ZNF875: variants seen among roughly 807,000 people sequenced by gnomAD.
The protein encoded by ZNF875 is zinc finger protein 875, also known as HKR1, GLI-Kruppel zinc finger family member.
A neutral mutation model predicts 11.2 loss-of-function variants in ZNF875; 14 were observed. The ratio of observed to expected loss-of-function variants is 1.26; its 90% confidence interval spans 0.83 to 1.96. The LOEUF is 1.96. Ranked by LOEUF, ZNF875 falls within the 30% of genes most tolerant of loss-of-function variation. The probability of loss-of-function intolerance (pLI) is 0.00; values close to 1 mark genes in which losing one functional copy is unlikely to be tolerated. For synonymous variants in ZNF875, 301 were observed against 281.1 expected (o/e 1.07, Z -0.71); for missense variants, 752 against 760.4 (o/e 0.99, Z 0.13).
In ZNF875 at chr19:37,320,472, A is replaced by AT; in HGVS notation, c.-746-1713_-746-1712insT. Among the ~76,000 whole-genome samples the AT allele has an allele frequency of 1.3e-5, 2 of 152,270 alleles. 1 individual carries two copies. Among genetic ancestry groups the AT allele is most frequent in the South Asian group, 4.1e-4 (2 of 4,838 alleles). The stretch of plus-strand genomic sequence containing the variant: ...TTGCTATTGTTACTTAATGTGTTAA[A>AT]GTGGCTGTTACAGACACTATTACTA... On this transcript the variant is annotated intron_variant, in intron 1 of 5. Coordinates refer to the ZNF875 transcript ENST00000544914.
chr19:37,338,110 A>G (rs567687222), intron 2 of ZNF875, among the ~76,000 whole-genome samples: 1 of 152,140 alleles, frequency 6.6e-6, no homozygotes, highest in Non-Finnish European at 1.5e-5. Flanking sequence ...GTAACATTGA[A>G]TATTTTTTGT....
chr19:37,338,038 A>T (rs1234035368), intron 2 of ZNF875, among the ~76,000 whole-genome samples: 1 of 152,188 alleles, frequency 6.6e-6, no homozygotes, highest in Non-Finnish European at 1.5e-5. Flanking sequence ...AAAATAGTTA[A>T]TTCATTTGAG....
intron 1 of ZNF875, among the ~76,000 whole-genome samples, chr19:37,321,344 C>A (rs1013055763): frequency 2.0e-5 from 3 of 152,132 alleles, no homozygotes; most frequent in Admixed American, 2.0e-4. Flanking sequence ...TTTAATGCAC[C>A]AAGATTTTTA....
chr19:37,353,306 G>A (rs1163697545), intron 4 of ZNF875, among the ~76,000 whole-genome samples: 1 of 152,090 alleles, frequency 6.6e-6, no homozygotes, highest in Non-Finnish European at 1.5e-5. Flanking sequence ...TTTGTTTAAG[G>A]TAATGTAAGA....
chr19:37,347,405 C>T (rs1161590928), intron 3 of ZNF875, 89 bp downstream of exon 3: 1 of 1,263,538 alleles, frequency 7.9e-7, no homozygotes, highest in Non-Finnish European at 1.1e-6. Context: ...GAGCACCTTT[C>T]CCTTAGAGTT....
chr19:37,332,297 T>A (rs888350336), upstream of ZNF875, among the ~76,000 whole-genome samples: 4 of 151,212 alleles, frequency 2.6e-5, no homozygotes, highest in Non-Finnish European at 5.9e-5. Context: ...TGTCTCTGTG[T>A]CTTTTTCTTT....
At chr19:37,352,207 A>G (rs1005014271) in intron 4 of ZNF875, among the ~76,000 whole-genome samples, 3 of 148,588 alleles carry the variant, frequency 2.0e-5, no homozygotes, top group African/African-American at 4.9e-5. Context: ...TGATATTAAT[A>G]TAGCTACTCC....
chr19:37,323,256 C>T (rs948072592), intron 2 of ZNF875, among the ~76,000 whole-genome samples: 4 of 151,928 alleles, frequency 2.6e-5, no homozygotes, highest in African/African-American at 9.7e-5. Context: ...TGGGTTCAAG[C>T]AATTCTCTTG....
rs766637109 is a variant in ZNF875, at chr19:37,362,825, C to A, written c.973C>A (p.Leu325Ile). 7 of 1,613,860 alleles carry A rather than the reference C, an allele frequency of 4.3e-6. No homozygotes were observed. Among genetic ancestry groups the A allele is most frequent in the Non-Finnish European group, 5.9e-6 (7 of 1,179,986 alleles). ...CGRGFTWKSN[L>I]FTHQRTHSGL... Reference sequence around the variant, plus strand: ...ACGAGGCTTTACTTGGAAGTCGAACCTCTTTACACATCAGCGGACACACTC... The same window carrying A: ...ACGAGGCTTTACTTGGAAGTCGAACATCTTTACACATCAGCGGACACACTC... The change falls in exon 5 of 5, where the codon CTC becomes ATC. Residue 325 changes from leucine (L) to isoleucine (I), a missense_variant. By Grantham distance (5) the Leu-to-Ile change is conservative (BLOSUM62 2). Coordinates refer to ENST00000392153, the MANE Select transcript of ZNF875 (RefSeq NM_001353803.2).
At chr19:37,338,218 G>T (rs2034920913) in intron 2 of ZNF875, among the ~76,000 whole-genome samples, 1 of 152,154 alleles carries the variant, frequency 6.6e-6, no homozygotes, top group Non-Finnish European at 1.5e-5. Context: ...CGCCTCCTGG[G>T]TTCAAGCGAT....
At chr19:37,337,007 A>C (rs1053849301) in intron 2 of ZNF875, among the ~76,000 whole-genome samples, 1 of 152,214 alleles carries the variant, frequency 6.6e-6, no homozygotes, top group African/African-American at 2.4e-5. Context: ...TGAATTTTAC[A>C]TTTGAGAGCA....
upstream of ZNF875, among the ~76,000 whole-genome samples, chr19:37,313,744 TTGTGTGTGTG>T (rs61062343): frequency 1.3e-5 from 2 of 150,204 alleles, no homozygotes; most frequent in South Asian, 2.1e-4. Context: ...TACACATCCA[TTGTGTGTGTG>T]TGTGTGTGTG....
At chr19:37,326,664 CTTTTTTTT>C (rs35805509) in intron 4 of ZNF875, among the ~76,000 whole-genome samples, 210 of 88,096 alleles carry the variant, frequency 2.4e-3, no homozygotes, top group African/African-American at 9.0e-3. Flanking sequence ...AATTAGAAAG[CTTTTTTTT>C]TTTTTTTTTT....
chr19:37,318,160 C>T (rs2030410883), exon 1 of ZNF875: 1 of 153,840 alleles, frequency 6.5e-6, no homozygotes, highest in African/African-American at 2.4e-5. Context: ...TTCCTGACCT[C>T]TGACACGTAT....
upstream of ZNF875, chr19:37,334,551 T>A (rs2033879597): frequency 2.7e-6 from 1 of 371,350 alleles, no homozygotes; most frequent in Admixed American, 3.3e-5. Flanking sequence ...AGCCGACTTC[T>A]CCGCCTCTGT....
upstream of ZNF875, among the ~76,000 whole-genome samples, chr19:37,329,737 T>TC (rs149893896): frequency 6.3e-3 from 961 of 152,282 alleles, 26 homozygotes; most frequent in East Asian, 0.053. Flanking sequence ...AGTGGTTTTT[T>TC]CCCCCTCACA....
chr19:37,363,268 C>A lies in ZNF875; in HGVS notation c.1416C>A (p.His472Gln), dbSNP rs1411470285. The A allele has an allele frequency of 2.5e-6, 4 of 1,613,716 alleles. No homozygotes were observed. Among genetic ancestry groups the A allele is most frequent in the Non-Finnish European group, 3.4e-6 (4 of 1,179,742 alleles). ...KSNLNKHQRS[H>Q]TGEKPFVCTE... ...ACCTTAACAAACACCAGAGGTCACA[C>A]ACGGGGGAGAAGCCATTTGTATGTA... The change falls in exon 5 of 5, where the codon CAC becomes CAA. Residue 472 changes from histidine to glutamine, a missense_variant. By Grantham distance (24) the His-to-Gln change is conservative. Transcript: ENST00000392153.
At position 37,362,148 on chromosome 19, in the gene ZNF875, T is replaced by C. The variant is rs370976349; in HGVS notation, c.296T>C (p.Leu99Pro). Residue 99 changes from leucine to proline, a missense_variant, in exon 5 of 5, where the codon CTG (leucine) becomes CCG (proline). Leu to Pro is a moderately conservative substitution (Grantham distance 98). Transcript: ENST00000392153. ...PEIQLSPSCP[L>P]IFSSQQALSQ... ...ATTCAACTTAGTCCCTCCTGCCCTC[T>C]GATTTTCTCCAGTCAGCAAGCTCTC... The C allele has an allele frequency of 2.5e-6, 4 of 1,614,022 alleles. No homozygotes were observed. The African/African-American group carries it at 5.3e-5, about 22-fold the overall frequency.
At chr19:37,319,702 G>A (rs1345335022) in intron 1 of ZNF875, among the ~76,000 whole-genome samples, 4 of 152,114 alleles carry the variant, frequency 2.6e-5, no homozygotes, top group Non-Finnish European at 4.4e-5. Context: ...CCCTCAATCC[G>A]TTACTCAGAT....
Sources: allele counts gnomAD v4.1 joint callset (sites outside exome capture counted in the v4.1 genomes callset), GRCh38; gene constraint gnomAD v4.1.1; transcripts MANE v1.5; gene names NCBI Gene and HGNC (gene_info 2026-07-23, HGNC 2026-07-21).